VPS35L: variants seen among roughly 807,000 people sequenced by gnomAD.
The protein encoded by VPS35L is VPS35 endosomal protein sorting factor like.
Under a neutral mutation model 133.0 loss-of-function variants are expected in VPS35L, and 83 were observed. The ratio of observed to expected loss-of-function variants is 0.62; its 90% CI spans 0.52 to 0.75. VPS35L has a LOEUF of 0.75. Ranked by LOEUF, VPS35L falls within the 30% of genes least tolerant of loss-of-function variation. The pLI is 0.00. For missense variants in VPS35L, 1,083 were observed against 1,206.8 expected, an observed-to-expected ratio of 0.90 and a Z score of 1.52; for synonymous variants, 423 against 449.9, an observed-to-expected ratio of 0.94 and a Z score of 0.76.
chr16:19,684,473 G>C (rs1191285052), intron 28 of VPS35L, among the ~76,000 whole-genome samples: 1 of 152,158 alleles, frequency 6.6e-6, no homozygotes, highest in Non-Finnish European at 1.5e-5. Flanking sequence ...TGGGGACTGA[G>C]GATAAAGATG....
intron 24 of VPS35L, 67 bp from the exon 25 acceptor site, chr16:19,650,315 C>T (rs1974083163): frequency 3.2e-6 from 4 of 1,264,300 alleles, no homozygotes; most frequent in African/African-American, 1.5e-5. Context: ...GTTGAGATCT[C>T]TATGGAAGAC....
In VPS35L at chr16:19,616,108, C is replaced by A. The variant is rs1253034925; in HGVS notation, c.1024-6C>A. 1.2e-6 allele frequency: 2 copies of A among 1,610,792 alleles called. No individual in the cohort carries two copies. The highest frequency in any genetic ancestry group is 1.7e-6 in the Non-Finnish European group (2 of 1,177,766). On this transcript the variant is annotated splice_polypyrimidine_tract_variant and splice_region_variant and intron_variant, in intron 12 of 30. Transcript: ENST00000417362. ...GCAACCAGTTTTTCCATTTGTCTGG[C>A]TGCAGGTGGGAATGGAAGTGGCCCC...
rs1976023540 is a variant in VPS35L at position 19,699,255 on chromosome 16, T to C, written c.2647-247T>C. On this transcript the variant is annotated intron_variant, in intron 29 of 30. Coordinates refer to ENST00000417362, the MANE Select transcript of VPS35L (RefSeq NM_020314.7). The surrounding 1 kb of genome is among the most constrained non-coding windows in gnomAD (Gnocchi z 4.2). ...TCTTCCATTTCATGAGTAATGACCATCTGTGGGCACAGAGCTTCGTCATCT... is the reference window on the plus strand; with the variant it reads ...TCTTCCATTTCATGAGTAATGACCACCTGTGGGCACAGAGCTTCGTCATCT... The C allele has an allele frequency of 4.5e-6, 2 of 440,630 alleles. No individual in the cohort carries two copies. The highest frequency in any genetic ancestry group is 8.4e-6 in the Non-Finnish European group (2 of 238,696). 27.3% of individuals were successfully genotyped at this position (440,630 alleles called of 1,614,324 possible). A position where few individuals can be genotyped will look rare whatever the true frequency, so the allele number is the denominator to read the frequency against.
At chr16:19,671,194 G>A (rs938148583) in intron 27 of VPS35L, among the ~76,000 whole-genome samples, 1 of 152,172 alleles carries the variant, frequency 6.6e-6, no homozygotes, top group Non-Finnish European at 1.5e-5. Context: ...CAAGGACTGG[G>A]CACCGTGGCT....
intron 1 of VPS35L, among the ~76,000 whole-genome samples, chr16:19,559,473 A>G (rs978829034): frequency 6.6e-6 from 1 of 152,210 alleles, no homozygotes; most frequent in Non-Finnish European, 1.5e-5. Flanking sequence ...TTACCAGTTT[A>G]TATCAACTAT....
chr16:19,572,903 G>A (rs780345803), intron 3 of VPS35L, among the ~76,000 whole-genome samples: 13 of 152,054 alleles, frequency 8.5e-5, no homozygotes, highest in African/African-American at 1.7e-4. Context: ...TTAAACCCCC[G>A]CCCTTAAGTG....
chr16:19,627,482 A>C (rs1156984759), intron 15 of VPS35L, among the ~76,000 whole-genome samples: 1 of 152,126 alleles, frequency 6.6e-6, no homozygotes, highest in Admixed American at 6.5e-5. Context: ...ATCCATCTAA[A>C]CATCCAGTTA....
chr16:19,569,181 A>T, intron 2 of VPS35L: 1 of 652,816 alleles, frequency 1.5e-6, no homozygotes, highest in Non-Finnish European at 2.8e-6. Context: ...CAGTCCAGTG[A>T]CCTCTCAATT....
At chr16:19,565,526 T>A (rs796990965) in intron 2 of VPS35L, among the ~76,000 whole-genome samples, 3 of 152,130 alleles carry the variant, frequency 2.0e-5, no homozygotes, top group South Asian at 4.1e-4. Flanking sequence ...CTATTTTTTT[T>A]ATTTTTAGTA....
intron 12 of VPS35L, among the ~76,000 whole-genome samples, chr16:19,615,446 T>G (rs1972853879): frequency 6.8e-6 from 1 of 148,076 alleles, no homozygotes; most frequent in Non-Finnish European, 1.5e-5. Flanking sequence ...GGTCAGGAGT[T>G]GGAGACCAGC....
intron 26 of VPS35L, among the ~76,000 whole-genome samples, chr16:19,666,799 G>A (rs962204519): frequency 9.2e-5 from 14 of 152,104 alleles, no homozygotes; most frequent in Non-Finnish European, 5.9e-5. Context: ...TGGGACTGCC[G>A]GAGGACTAAG....
At chr16:19,597,684 G>A (rs1350371223) in intron 8 of VPS35L, among the ~76,000 whole-genome samples, 2 of 152,188 alleles carry the variant, frequency 1.3e-5, no homozygotes, top group African/African-American at 4.8e-5. Context: ...TTCCCACGGT[G>A]CTGTTGTTTA....
Position 19,581,673 on chromosome 16 carries a change from C to CG in VPS35L, c.639+20_639+21insG. 1.2e-6 allele frequency: 2 copies of CG among 1,605,632 alleles called. No individual in the cohort carries two copies. ...ATCCAGGTTAGCTCTAGTGATCCCC[C>CG]ACCCCCACCCAGAATTTCCTATGTA... On this transcript the variant is annotated intron_variant, in intron 7 of 30. Coordinates refer to ENST00000417362, the MANE Select transcript of VPS35L (RefSeq NM_020314.7).
chr16:19,630,166 TA>T (rs1375246589), intron 18 of VPS35L, among the ~76,000 whole-genome samples: 6 of 152,076 alleles, frequency 3.9e-5, no homozygotes, highest in Non-Finnish European at 8.8e-5. Flanking sequence ...GACTGGCATG[TA>T]ATTTTTTTCC....
intron 1 of VPS35L, among the ~76,000 whole-genome samples, chr16:19,557,678 C>T (rs1970905136): frequency 1.3e-5 from 2 of 152,114 alleles, no homozygotes; most frequent in African/African-American, 2.4e-5. Flanking sequence ...CTACCACACC[C>T]GGCCCGTGCT....
chr16:19,593,822 C>T (rs1472359131), intron 8 of VPS35L, among the ~76,000 whole-genome samples: 3 of 151,468 alleles, frequency 2.0e-5, no homozygotes, highest in Non-Finnish European at 4.4e-5. Context: ...GAGGCTGAGG[C>T]AGGAGAATTG....
chr16:19,600,273 A>G (rs1414426733), intron 8 of VPS35L, among the ~76,000 whole-genome samples: 2 of 146,830 alleles, frequency 1.4e-5, no homozygotes, highest in East Asian at 3.9e-4. Flanking sequence ...AAAAAAAAAA[A>G]TCTCATAGAG....
At chr16:19,556,535 G>GT (rs1479873099) in intron 1 of VPS35L, among the ~76,000 whole-genome samples, 1 of 152,188 alleles carries the variant, frequency 6.6e-6, no homozygotes, top group Non-Finnish European at 1.5e-5. Context: ...ACTTGAGGAA[G>GT]TTGTGTTGTT....
chr16:19,686,977 G>A (rs1024457991), intron 28 of VPS35L, among the ~76,000 whole-genome samples: 2 of 152,084 alleles, frequency 1.3e-5, no homozygotes, highest in African/African-American at 4.8e-5. Context: ...CTCCAGCCTG[G>A]GCGACAGAGC....
Sources: gnomAD v4.1 joint callset for allele counts (sites outside exome capture counted in the v4.1 genomes callset) on GRCh38, gnomAD v4.1.1 for gene constraint, Gnocchi (gnomAD v3.1) non-coding constraint, MANE v1.5 for transcripts, NCBI Gene and HGNC (gene_info 2026-07-23, HGNC 2026-07-21) for gene names.